Variants in PHACTR1 observed in about 807,000 individuals in gnomAD.
PHACTR1 encodes the protein phosphatase and actin regulator 1.
Under a neutral mutation model 69.2 loss-of-function variants are expected in PHACTR1, and 16 were observed. The ratio of observed to expected loss-of-function variants is 0.23; its 90% CI spans 0.16 to 0.35. PHACTR1 has a LOEUF of 0.35. Ranked by LOEUF, PHACTR1 falls within the 10% of genes least tolerant of loss-of-function variation. PHACTR1 has a pLI of 1.00. For missense variants in PHACTR1, 510 were observed against 734.7 expected (o/e 0.69, Z 3.54); for synonymous variants, 312 against 284.5 (o/e 1.10, Z -0.97).
chr6:12,977,501 TC>T (rs959065318), intron 4 of PHACTR1, among the ~76,000 whole-genome samples: 3 of 152,020 alleles, frequency 2.0e-5, no homozygotes, highest in African/African-American at 4.8e-5. Flanking sequence ...ACACACTCTC[TC>T]CCCCTAAAAC....
intron 10 of PHACTR1, among the ~76,000 whole-genome samples, chr6:13,234,142 A>G (rs1237090709): frequency 6.6e-6 from 1 of 152,194 alleles, no homozygotes; most frequent in Non-Finnish European, 1.5e-5. Context: ...CCACCCATTC[A>G]TCCTGAAGCC....
chr6:13,168,942 A>G (rs1760212578), intron 6 of PHACTR1, among the ~76,000 whole-genome samples: 1 of 152,132 alleles, frequency 6.6e-6, no homozygotes, highest in Non-Finnish European at 1.5e-5. Flanking sequence ...CCACGTAATC[A>G]GATTTGCAGC....
intron 3 of PHACTR1, among the ~76,000 whole-genome samples, chr6:12,730,350 T>C (rs900895536): frequency 1.2e-4 from 19 of 152,178 alleles, no homozygotes; most frequent in African/African-American, 4.6e-4. Flanking sequence ...AATACTCTAT[T>C]TGAAATATTT....
intron 5 of PHACTR1, among the ~76,000 whole-genome samples, chr6:13,063,863 A>G (rs1561774438): frequency 6.6e-6 from 1 of 152,130 alleles, no homozygotes; most frequent in South Asian, 2.1e-4. Context: ...AGACATGGAC[A>G]AGAATCTGCT....
At chr6:12,794,080 A>G (rs1772675616) in intron 4 of PHACTR1, among the ~76,000 whole-genome samples, 1 of 152,240 alleles carries the variant, frequency 6.6e-6, no homozygotes, top group Non-Finnish European at 1.5e-5. Context: ...CCTTAGAAAA[A>G]TAAGTTAATC....
At chr6:12,890,923 T>G (rs969883095) in intron 4 of PHACTR1, among the ~76,000 whole-genome samples, 1 of 152,228 alleles carries the variant, frequency 6.6e-6, no homozygotes, top group Non-Finnish European at 1.5e-5. Context: ...CAGATACCTT[T>G]GTCTATTTTG....
At chr6:12,856,471 T>G (rs547800398) in intron 4 of PHACTR1, among the ~76,000 whole-genome samples, 36 of 152,224 alleles carry the variant, frequency 2.4e-4, no homozygotes, top group African/African-American at 7.9e-4. Flanking sequence ...GCCAGGATGG[T>G]CTTCTCGATC....
chr6:13,231,077 AAGGAAGGAAG>A (rs1320473394), intron 10 of PHACTR1, among the ~76,000 whole-genome samples: 2 of 9,860 alleles, frequency 2.0e-4, no homozygotes, highest in African/African-American at 1.3e-3. Flanking sequence ...GGAAGGAAGG[AAGGAAGGAAG>A]AAGGAAGGAA....
intron 4 of PHACTR1, among the ~76,000 whole-genome samples, chr6:12,918,906 A>G (rs991239758): frequency 6.6e-6 from 1 of 152,218 alleles, no homozygotes; most frequent in Admixed American, 6.5e-5. Flanking sequence ...CAGGAACAAG[A>G]AAAAGTTGCG....
intron 5 of PHACTR1, among the ~76,000 whole-genome samples, chr6:13,065,714 A>G (rs1304022933): frequency 6.6e-6 from 1 of 152,202 alleles, no homozygotes; most frequent in Non-Finnish European, 1.5e-5. Context: ...TGGCTGTGGC[A>G]TTCTCAGGGA....
At chr6:12,933,163 G>A (rs955587350) in intron 4 of PHACTR1, among the ~76,000 whole-genome samples, 3 of 151,860 alleles carry the variant, frequency 2.0e-5, no homozygotes, top group Non-Finnish European at 2.9e-5. Context: ...CTTGAACCCC[G>A]GACCTCAGGT....
At chr6:13,049,390 C>T (rs1370026869) in intron 4 of PHACTR1, among the ~76,000 whole-genome samples, 1 of 152,184 alleles carries the variant, frequency 6.6e-6, no homozygotes, top group Non-Finnish European at 1.5e-5. Context: ...AACTCAGTAT[C>T]AACCCTGAAT....
chr6:12,880,463 C>A (rs1782978653), intron 4 of PHACTR1, among the ~76,000 whole-genome samples: 1 of 151,972 alleles, frequency 6.6e-6, no homozygotes, highest in Admixed American at 6.6e-5. Context: ...GCCACGTTGC[C>A]CAGGCTCATC....
At chr6:13,118,471 A>ATTTTT (rs140486749) in intron 5 of PHACTR1, among the ~76,000 whole-genome samples, 3 of 72,814 alleles carry the variant, frequency 4.1e-5, no homozygotes, top group Non-Finnish European at 5.2e-5. Context: ...AACCAGGGCC[A>ATTTTT]TTTTTTTTTT....
intron 4 of PHACTR1, among the ~76,000 whole-genome samples, chr6:12,911,996 G>A (rs919759036): frequency 6.6e-6 from 1 of 152,118 alleles, no homozygotes; most frequent in Non-Finnish European, 1.5e-5. Flanking sequence ...TTATTTATTT[G>A]TTTGTTTGTT....
At chr6:12,951,425 C>T (rs574478222) in intron 4 of PHACTR1, among the ~76,000 whole-genome samples, 2 of 152,248 alleles carry the variant, frequency 1.3e-5, no homozygotes, top group African/African-American at 4.8e-5. Context: ...AGCAAGGAGA[C>T]AAAATAAACT....
At chr6:13,047,876 C>T (rs573657585) in intron 4 of PHACTR1, among the ~76,000 whole-genome samples, 25 of 152,036 alleles carry the variant, frequency 1.6e-4, no homozygotes, top group African/African-American at 5.6e-4. Context: ...ACCTGAGGAG[C>T]GCCCCGAGCC....
At chr6:13,192,657 G>A (rs1232127293) in intron 7 of PHACTR1, among the ~76,000 whole-genome samples, 2 of 152,214 alleles carry the variant, frequency 1.3e-5, no homozygotes, top group Non-Finnish European at 2.9e-5. Context: ...ATAACTGGAT[G>A]TATAAATAAA....
At chr6:12,958,659 G>T (rs889417706) in intron 4 of PHACTR1, among the ~76,000 whole-genome samples, 3 of 152,184 alleles carry the variant, frequency 2.0e-5, no homozygotes, top group Non-Finnish European at 4.4e-5. Flanking sequence ...AAATAAACAA[G>T]ATGTTAGTTT....
Sources: gnomAD v4.1 joint callset for allele counts (sites outside exome capture counted in the v4.1 genomes callset) on GRCh38, gnomAD v4.1.1 for gene constraint, MANE v1.5 for transcripts, NCBI Gene and HGNC (gene_info 2026-07-23, HGNC 2026-07-21) for gene names.